Variants in SP140L observed in about 807,000 individuals in gnomAD.
SP140L encodes SP140 like nuclear body protein.
Under a neutral mutation model 84.3 loss-of-function variants are expected in SP140L, and 64 were observed. That is an observed-to-expected ratio of 0.76 (90% CI 0.62 to 0.94). The LOEUF (loss-of-function observed/expected upper bound fraction) is 0.94, where lower values mean the gene tolerates loss of function less well. Among genes scored for constraint, SP140L ranks in the 40% least tolerant of loss-of-function variants. The probability of loss-of-function intolerance (pLI) is 0.00; values close to 1 mark genes in which losing one functional copy is unlikely to be tolerated. For missense variants in SP140L, 628 were observed against 692.5 expected (o/e 0.91, Z 1.05); for synonymous variants, 242 against 236.9 (o/e 1.02, Z -0.20).
chr2:230,361,093 G>A (rs953188662), intron 4 of SP140L, among the ~76,000 whole-genome samples: 1 of 152,108 alleles, frequency 6.6e-6, no homozygotes, highest in Non-Finnish European at 1.5e-5. Flanking sequence ...GGGACCACAG[G>A]TGCACACAAC....
Position 230,385,320 on chromosome 2 carries a change from T to C in SP140L, c.784+16T>C. ...AAGATTAGGGGTAAGATAAAGTTGG[T>C]ACCACTTTTCATTTGCCCTGCAGGT... On this transcript the variant is annotated intron_variant, in intron 9 of 18. Transcript: ENST00000415673. The C allele has an allele frequency of 6.2e-7, 1 of 1,612,164 alleles. No individual in the cohort carries two copies. The highest frequency in any genetic ancestry group is 8.5e-7 in the Non-Finnish European group (1 of 1,178,460).
intron 2 of SP140L, among the ~76,000 whole-genome samples, chr2:230,349,827 G>A (rs2060312041): frequency 6.6e-6 from 1 of 152,026 alleles, no homozygotes; most frequent in African/African-American, 2.4e-5. Context: ...TGGCCAACAT[G>A]GCAAAACCCC....
chr2:230,327,358 TGCC>T, intron 1 of SP140L, 57 bp downstream of exon 1: 1 of 1,572,466 alleles, frequency 6.4e-7, no homozygotes, highest in Non-Finnish European at 8.7e-7. Context: ...GGAGCTTTCA[TGCC>T]TGTAGTTCAG....
chr2:230,356,100 A>C (rs953914773), intron 2 of SP140L, among the ~76,000 whole-genome samples: 3 of 152,190 alleles, frequency 2.0e-5, no homozygotes, highest in Non-Finnish European at 2.9e-5. Flanking sequence ...AAGAAATACA[A>C]ATTAAAACTA....
intron 2 of SP140L, among the ~76,000 whole-genome samples, chr2:230,340,402 G>T (rs983153252): frequency 1.3e-5 from 2 of 148,530 alleles, no homozygotes; most frequent in African/African-American, 5.0e-5. Context: ...CGTGAGATGC[G>T]TTTCCTGAAT....
At chr2:230,359,881 A>G (rs1272762745) in intron 4 of SP140L, among the ~76,000 whole-genome samples, 1 of 140,340 alleles carries the variant, frequency 7.1e-6, no homozygotes, top group East Asian at 2.1e-4. Flanking sequence ...ACATTAATCA[A>G]ATAATCACAA....
chr2:230,354,866 AAAG>A (rs2060480104), intron 2 of SP140L, among the ~76,000 whole-genome samples: 1 of 138,814 alleles, frequency 7.2e-6, no homozygotes, highest in Non-Finnish European at 1.5e-5. Context: ...AGAAAGAAAG[AAAG>A]AAAGAAAGAA....
At chr2:230,359,351 A>G (rs1296615882) in intron 4 of SP140L, among the ~76,000 whole-genome samples, 1 of 152,228 alleles carries the variant, frequency 6.6e-6, no homozygotes, top group Non-Finnish European at 1.5e-5. Context: ...GACTCACAGG[A>G]CAACCAGAGC....
chr2:230,372,458 G>T (rs56270546), intron 7 of SP140L: 33,420 of 152,154 alleles, frequency 0.22, 4,671 homozygotes, highest in Non-Finnish European at 0.3. Context: ...GGGCGCGGTG[G>T]CTCACGCCTG....
At chr2:230,373,109 G>T (rs1221811267) in intron 7 of SP140L, among the ~76,000 whole-genome samples, 1 of 152,178 alleles carries the variant, frequency 6.6e-6, no homozygotes, top group Non-Finnish European at 1.5e-5. Flanking sequence ...AAGTCTGAAG[G>T]TAACACCAGT....
intron 18 of SP140L, among the ~76,000 whole-genome samples, chr2:230,402,503 A>G (rs2062395777): frequency 6.6e-6 from 1 of 152,244 alleles, no homozygotes; most frequent in Non-Finnish European, 1.5e-5. Flanking sequence ...GTCCTACTTA[A>G]TAATAGTGTA....
At chr2:230,375,752 G>T (rs1021286846) in intron 7 of SP140L, among the ~76,000 whole-genome samples, 4 of 152,102 alleles carry the variant, frequency 2.6e-5, no homozygotes, top group Non-Finnish European at 2.9e-5. Context: ...GTTATGACAT[G>T]ATTTTGTTTT....
chr2:230,354,844 GAAAGGAAAGAAAGAAA>G (rs2060471759), intron 2 of SP140L, among the ~76,000 whole-genome samples: 2 of 83,806 alleles, frequency 2.4e-5, no homozygotes, highest in South Asian at 4.1e-4. Context: ...AAGAAAGAAA[GAAAGGAAAGAAAGAAA>G]GAAAGAAAGA....
chr2:230,329,316 A>G lies in SP140L; in HGVS notation c.107+485A>G, dbSNP rs559079889. On this transcript the variant is annotated intron_variant, in intron 2 of 18. Coordinates refer to ENST00000415673, the MANE Select transcript of SP140L (RefSeq NM_138402.6). The stretch of plus-strand genomic sequence containing the variant: ...AATTTTTAGGCAAAATTATTCTTAC[A>G]TTGGAGCAACTTCAGCCTTCACAGC... 3.3e-5 allele frequency among the ~76,000 whole-genome samples: 5 copies of G among 152,296 alleles called. No individual in the cohort carries two copies. In the South Asian group the frequency reaches 8.3e-4, roughly 25 times the overall value.
At chr2:230,335,834 C>T (rs574334968) in intron 2 of SP140L, among the ~76,000 whole-genome samples, 1 of 152,184 alleles carries the variant, frequency 6.6e-6, no homozygotes, top group Non-Finnish European at 1.5e-5. Flanking sequence ...ATGGTATCAA[C>T]AATGGTGTTA....
At chr2:230,392,598 A>G (rs905924291) in intron 12 of SP140L, among the ~76,000 whole-genome samples, 1 of 152,234 alleles carries the variant, frequency 6.6e-6, no homozygotes, top group African/African-American at 2.4e-5. Flanking sequence ...AACAAGAACC[A>G]TAGTAAAAAT....
At chr2:230,392,004 C>CA (rs2061830520) in intron 11 of SP140L, 83 bp from the exon 12 acceptor site, 5 of 1,576,772 alleles carry the variant, frequency 3.2e-6, no homozygotes, top group Non-Finnish European at 4.3e-6. Flanking sequence ...AATTGGGTGG[C>CA]TCTAGATCCA....
In SP140L at chr2:230,392,214, A is replaced by G. The variant is rs1166333244; in HGVS notation, c.1092A>G (p.Leu364=). 4 of 1,613,974 alleles carry G rather than the reference A, an allele frequency of 2.5e-6. No individual in the cohort carries two copies. Among genetic ancestry groups the G allele is most frequent in the South Asian group, 2.2e-5 (2 of 91,086 alleles). The change falls in exon 12 of 19, where the codon CTA becomes CTG. Residue 364 remains leucine, a synonymous_variant. Coordinates refer to ENST00000415673, the MANE Select transcript of SP140L (RefSeq NM_138402.6). ...GTGTGCGCTGTGGCGGGTGGCCCCT[A>G]CGACGGCTGATGGAGGTATTCCAAT... ...RLSVRCGGWP[L]RRLMEEGSLP...
chr2:230,335,699 G>A (rs1049591171), intron 2 of SP140L, among the ~76,000 whole-genome samples: 2 of 152,172 alleles, frequency 1.3e-5, no homozygotes, highest in Non-Finnish European at 2.9e-5. Context: ...TGTCAGATGG[G>A]AGAGAAAGTG....
Sources: gnomAD v4.1 joint callset for allele counts (sites outside exome capture counted in the v4.1 genomes callset) on GRCh38, gnomAD v4.1.1 for gene constraint, MANE v1.5 for transcripts, NCBI Gene and HGNC (gene_info 2026-07-23, HGNC 2026-07-21) for gene names.